EPS8L2: variants seen among roughly 807,000 people sequenced by gnomAD.
The protein encoded by EPS8L2 is EPS8 signaling adaptor L2, also known as epidermal growth factor receptor kinase substrate 8-like protein 2.
In EPS8L2, 81 loss-of-function variants were observed where a neutral mutation model predicts 99.4. That is an observed-to-expected ratio of 0.82 (90% CI 0.68 to 0.98). The LOEUF is 0.98. Among genes scored for constraint, EPS8L2 ranks in the 50% least tolerant of loss-of-function variants. The pLI is 0.00. For missense variants in EPS8L2, 1,155 were observed against 968.8 expected, an observed-to-expected ratio of 1.19 and a Z score of -2.55; for synonymous variants, 509 against 407.3, an observed-to-expected ratio of 1.25 and a Z score of -3.01.
chr11:713,233 C>G (rs960781285), intron 4 of EPS8L2, among the ~76,000 whole-genome samples: 13 of 152,222 alleles, frequency 8.5e-5, no homozygotes, highest in Non-Finnish European at 5.9e-5. Context: ...TAAGTTATCA[C>G]ACAGTAAAAG....
intron 19 of EPS8L2, 44 bp downstream of exon 19, chr11:726,528 G>C (rs562972061): frequency 6.6e-6 from 10 of 1,515,876 alleles, no homozygotes; most frequent in Non-Finnish European, 8.8e-6. Context: ...GCGAGGGGTG[G>C]GAGGTGCGGC....
chr11:726,697 C>T lies in EPS8L2; in HGVS notation c.2013C>T (p.Gly671=). The change falls in exon 20 of 21, where the codon GGC becomes GGT. Residue 671 remains glycine (G), a synonymous_variant. Coordinates refer to ENST00000318562, the MANE Select transcript of EPS8L2 (RefSeq NM_022772.4). Reference sequence around the variant, plus strand: ...AGGAGGAGCTGAAGAAAGTGTGCGGCGAGGAGGGCGTCCGCGTGTACAGCC... The same window carrying T: ...AGGAGGAGCTGAAGAAAGTGTGCGGTGAGGAGGGCGTCCGCGTGTACAGCC... ...LNKEELKKVC[G]EEGVRVYSQL... The T allele has an allele frequency of 6.3e-7, 1 of 1,587,622 alleles. No individual in the cohort carries two copies.
intron 7 of EPS8L2, 65 bp downstream of exon 7, chr11:720,974 A>AG (rs1862147872): frequency 6.6e-6 from 7 of 1,064,588 alleles, no homozygotes; most frequent in South Asian, 1.5e-5. Flanking sequence ...AGGGGAGGGG[A>AG]GGAGCCGGCA....
Position 723,348 on chromosome 11 carries a change from T to C in EPS8L2, c.1449T>C (p.Thr483=). ...TACCACCAGTCAGCTCCCCACATAC[T>C]CACAGGTAAGCCCCCCTCAAAGTGA... ...DALPPVSSPH[T]HRGYQPTPAM... is the part of the protein sequence containing the mutation. Residue 483 remains threonine (T), a synonymous_variant, in exon 15 of 21, where the codon ACT becomes ACC. Transcript: ENST00000318562. 1 of 1,486,242 alleles carries C rather than the reference T, an allele frequency of 6.7e-7. No individual in the cohort carries two copies. The highest frequency in any genetic ancestry group is 9.2e-7 in the Non-Finnish European group (1 of 1,088,188). 92.1% of individuals were successfully genotyped at this position (1,486,242 alleles called of 1,614,324 possible). A position where few individuals can be genotyped will look rare whatever the true frequency, so the allele number is the denominator to read the frequency against.
chr11:721,436 C>A, intron 9 of EPS8L2, 84 bp downstream of exon 9: 1 of 1,492,330 alleles, frequency 6.7e-7, no homozygotes, highest in Admixed American at 2.4e-5. Flanking sequence ...TCCGGCCAGT[C>A]CCCAGCCTGT....
At position 720,211 on chromosome 11, in the gene EPS8L2, C is replaced by T. The variant is rs769242861; in HGVS notation, c.315C>T (p.Asp105=). The T allele has an allele frequency of 5.0e-6, 8 of 1,612,898 alleles. No individual in the cohort carries two copies. Among genetic ancestry groups the T allele is most frequent in the African/African-American group, 1.3e-5 (1 of 74,934 alleles). ...ACGACCAGTCGCTGCGGCTGCTGGA[C>T]ATCGAGTCACAGGTGGGGCCCAGCG... ...QVNDQSLRLL[D]IESQEELEDF... Residue 105 remains aspartate (D), a synonymous_variant, in exon 5 of 21, where the codon GAC becomes GAT. Coordinates refer to ENST00000318562, the MANE Select transcript of EPS8L2 (RefSeq NM_022772.4).
intron 17 of EPS8L2, 59 bp from the exon 18 acceptor site, chr11:726,039 G>C: frequency 3.0e-6 from 4 of 1,318,598 alleles, no homozygotes; most frequent in East Asian, 5.0e-5. Flanking sequence ...GAGGTCCCGG[G>C]CAGGTGCTGG....
At chr11:720,532 C>T (rs1468778134) in intron 5 of EPS8L2, 65 bp from the exon 6 acceptor site, 21 of 1,553,186 alleles carry the variant, frequency 1.4e-5, no homozygotes, top group Admixed American at 2.0e-5. Context: ...TCCACAGCTC[C>T]GGCCACTCCC....
At chr11:711,770 G>C (rs370166918) in intron 4 of EPS8L2, among the ~76,000 whole-genome samples, 3,328 of 108,108 alleles carry the variant, frequency 0.031, no homozygotes, top group Non-Finnish European at 0.04. Context: ...GATCATCTGA[G>C]GTTAGGAGTT....
intron 4 of EPS8L2, among the ~76,000 whole-genome samples, chr11:715,909 C>T (rs543606557): frequency 2.6e-5 from 4 of 151,648 alleles, no homozygotes; most frequent in Non-Finnish European, 2.9e-5. Flanking sequence ...CATGAGCCAC[C>T]GCGCCCGGCA....
chr11:710,107 G>A, intron 3 of EPS8L2: 1 of 396,670 alleles, frequency 2.5e-6, no homozygotes, highest in East Asian at 5.2e-5. Flanking sequence ...AAGAAGCCGG[G>A]CTGGGACCCC....
Position 724,912 on chromosome 11 carries a change from G to C in EPS8L2, c.1560+83G>C. On this transcript the variant is annotated intron_variant, in intron 16 of 20. Coordinates refer to ENST00000318562, the MANE Select transcript of EPS8L2 (RefSeq NM_022772.4). This position sits in a 1 kb window ranked among gnomAD's most constrained non-coding sequence, Gnocchi z 5.5. ...GGGCTACCAGGGGAGGTGGGGAGCG[G>C]TCTAGGGCCAGGCTGGGTGATGCCA... 3 of 1,061,830 alleles carry C rather than the reference G, an allele frequency of 2.8e-6. No individual in the cohort carries two copies. Among genetic ancestry groups the C allele is most frequent in the Non-Finnish European group, 4.3e-6 (3 of 697,896 alleles). The allele number at this position is 1,061,830 out of a possible 1,614,324, so 65.8% of individuals were successfully genotyped here.
chr11:709,862 T>G, intron 3 of EPS8L2: 1 of 571,262 alleles, frequency 1.8e-6, no homozygotes, highest in East Asian at 2.9e-5. Context: ...GCTGCACTCA[T>G]TGCTGTAACC....
intron 1 of EPS8L2, among the ~76,000 whole-genome samples, chr11:707,747 C>T (rs1280411338): frequency 6.6e-6 from 1 of 152,028 alleles, no homozygotes; most frequent in Non-Finnish European, 1.5e-5. Context: ...AACCGAAGGC[C>T]AGGAACCTGG....
rs1564977970 is a variant in EPS8L2 at position 722,685 on chromosome 11, G to GC, written c.1222dup (p.Arg408ProfsTer95). ...CCTCTCACCCCAGTTCCGAGTGGCC[G>GC]CGGGAGCCACAGGTGCCCCTCTACG... On this transcript the variant is annotated frameshift_variant, in exon 14 of 21. Coordinates refer to ENST00000318562, the MANE Select transcript of EPS8L2 (RefSeq NM_022772.4). LOFTEE classifies it high-confidence loss of function. 6.2e-7 allele frequency: 1 copy of GC among 1,607,360 alleles called. No homozygotes were observed. The highest frequency in any genetic ancestry group is 1.1e-5 in the South Asian group (1 of 90,206).
intron 4 of EPS8L2, among the ~76,000 whole-genome samples, chr11:717,134 G>A (rs551937677): frequency 2.6e-5 from 4 of 152,142 alleles, no homozygotes; most frequent in South Asian, 2.1e-4. Flanking sequence ...CCACCACCAC[G>A]CCGGGCTAAT....
chr11:706,341 G>A (rs1178172197), intron 1 of EPS8L2, 53 bp downstream of exon 1: 1 of 152,184 alleles, frequency 6.6e-6, no homozygotes, highest in Non-Finnish European at 1.5e-5. Flanking sequence ...AGTTTACCCG[G>A]TGGCGATGGG....
chr11:715,053 T>G (rs113706806), intron 4 of EPS8L2, among the ~76,000 whole-genome samples: 9 of 152,004 alleles, frequency 5.9e-5, no homozygotes, highest in Admixed American at 5.9e-4. Context: ...CCATTCTGGC[T>G]AACATGGTGA....
chr11:707,959 GGATA>G (rs1554949673), intron 1 of EPS8L2, among the ~76,000 whole-genome samples: 1 of 152,110 alleles, frequency 6.6e-6, no homozygotes, highest in Non-Finnish European at 1.5e-5. Flanking sequence ...CATTCTCCAC[GGATA>G]GATGGATGGA....
Sources: gnomAD v4.1 joint callset for allele counts (sites outside exome capture counted in the v4.1 genomes callset) on GRCh38, gnomAD v4.1.1 for gene constraint, Gnocchi (gnomAD v3.1) non-coding constraint, MANE v1.5 for transcripts, NCBI Gene and HGNC (gene_info 2026-07-23, HGNC 2026-07-21) for gene names.